The following DRC8 variants were observed in gnomAD, a reference collection of about 807,000 sequenced individuals.
DRC8 encodes dynein regulatory complex subunit 8, also known as dynein regulatory complex protein 8.
At chr1:244,970,845 G>A in the DRC8 span, 1 of 294,854 alleles carries the variant, frequency 3.4e-6, no homozygotes, top group Non-Finnish European at 6.3e-6. Flanking sequence ...GCGCCGGCAG[G>A]GGGTGCTGAT....
At chr1:244,992,099 G>A in the DRC8 span, among the ~76,000 whole-genome samples, 5 of 152,190 alleles carry the variant, frequency 3.3e-5, no homozygotes, top group South Asian at 4.1e-4. Flanking sequence ...GTGATTGCAC[G>A]CTGTTTTTAG....
chr1:245,024,210 T>A, the DRC8 span, among the ~76,000 whole-genome samples: 6 of 152,150 alleles, frequency 3.9e-5, no homozygotes, highest in Admixed American at 3.9e-4. Context: ...TATGGATGAA[T>A]CATAATATAT....
the DRC8 span, among the ~76,000 whole-genome samples, chr1:245,057,034 A>G: frequency 2.0e-5 from 3 of 152,154 alleles, no homozygotes; most frequent in African/African-American, 7.2e-5. Flanking sequence ...TTCCAAAAAA[A>G]GGGAAGTGAT....
the DRC8 span, among the ~76,000 whole-genome samples, chr1:244,988,265 C>T: frequency 0.11 from 16,932 of 152,070 alleles, 999 homozygotes; most frequent in African/African-American, 0.16. Flanking sequence ...GATCCTCCCG[C>T]CTTAGCCTCC....
the DRC8 span, among the ~76,000 whole-genome samples, chr1:245,059,987 A>G: frequency 3.6e-3 from 554 of 152,290 alleles, 8 homozygotes; most frequent in Non-Finnish European, 3.6e-3. Flanking sequence ...GCTCTGTTTG[A>G]CTTTCCAGAA....
At chr1:245,020,742 C>A in the DRC8 span, among the ~76,000 whole-genome samples, 1 of 150,856 alleles carries the variant, frequency 6.6e-6, no homozygotes, top group African/African-American at 2.4e-5. Flanking sequence ...GCATCAGCCT[C>A]CCAAGTAGCT....
the DRC8 span, chr1:245,121,935 G>C: frequency 2.4e-6 from 1 of 415,736 alleles, no homozygotes; most frequent in South Asian, 1.8e-5. Context: ...GTTTCGCTCC[G>C]TCGCCCAGGC....
the DRC8 span, among the ~76,000 whole-genome samples, chr1:245,012,919 A>G: frequency 0.091 from 13,865 of 152,274 alleles, 820 homozygotes; most frequent in African/African-American, 0.16. Flanking sequence ...AATAAATAAA[A>G]TGCTATGGTA....
chr1:245,008,671 T>TTC, the DRC8 span, among the ~76,000 whole-genome samples: 1 of 13,036 alleles, frequency 7.7e-5, no homozygotes, highest in African/African-American at 2.5e-4. Flanking sequence ...GTTCTCACAC[T>TTC]TTTTTTTTTT....
the DRC8 span, among the ~76,000 whole-genome samples, chr1:244,991,604 A>T: frequency 6.6e-6 from 1 of 152,176 alleles, no homozygotes; most frequent in Non-Finnish European, 1.5e-5. Context: ...CTTTGTATAC[A>T]TTATGACTTT....
the DRC8 span, among the ~76,000 whole-genome samples, chr1:245,075,130 T>C: frequency 1.3e-5 from 2 of 152,186 alleles, no homozygotes; most frequent in Non-Finnish European, 1.5e-5. Flanking sequence ...TTATTGTGCC[T>C]ATTTAGTGGG....
the DRC8 span, among the ~76,000 whole-genome samples, chr1:245,100,120 C>A: frequency 1.3e-5 from 2 of 152,190 alleles, no homozygotes; most frequent in Admixed American, 6.5e-5. Context: ...CACGGTGGCT[C>A]ACGCCTGTAA....
chr1:245,015,402 T>C, the DRC8 span, among the ~76,000 whole-genome samples: 1 of 152,186 alleles, frequency 6.6e-6, no homozygotes, highest in Non-Finnish European at 1.5e-5. Flanking sequence ...TCTTGTTGGC[T>C]CTGCTCTTTA....
the DRC8 span, among the ~76,000 whole-genome samples, chr1:245,093,976 A>C: frequency 6.6e-6 from 1 of 152,012 alleles, no homozygotes; most frequent in East Asian, 1.9e-4. Context: ...AGTATAGGTG[A>C]GTATTGCATG....
chr1:245,112,220 G>A, the DRC8 span, among the ~76,000 whole-genome samples: 3 of 152,162 alleles, frequency 2.0e-5, no homozygotes, highest in African/African-American at 4.8e-5. Context: ...GATTACAGGC[G>A]CACGCCACCA....
chr1:245,028,764 A>G, the DRC8 span, among the ~76,000 whole-genome samples: 1 of 152,236 alleles, frequency 6.6e-6, no homozygotes, highest in African/African-American at 2.4e-5. Flanking sequence ...AATTCAAAGA[A>G]AAGTCCCTGT....
the DRC8 span, chr1:245,002,231 G>C: frequency 6.2e-7 from 1 of 1,604,412 alleles, no homozygotes; most frequent in Non-Finnish European, 8.5e-7. Context: ...GGGGAACACA[G>C]GGTACAGTGC....
chr1:245,084,071 C>A, the DRC8 span, among the ~76,000 whole-genome samples: 2 of 118,574 alleles, frequency 1.7e-5, no homozygotes, highest in South Asian at 5.8e-4. Flanking sequence ...CGCCCCCCCC[C>A]CGGCGCCCCG....
chr1:245,082,230 C>A, the DRC8 span: 2 of 1,416,088 alleles, frequency 1.4e-6, no homozygotes, highest in Admixed American at 1.7e-5. Context: ...CATTTCAGGA[C>A]GCTTGGCTTT....
Sources: gnomAD v4.1 joint callset for allele counts (sites outside exome capture counted in the v4.1 genomes callset) on GRCh38, gnomAD v4.1.1 for gene constraint, MANE v1.5 for transcripts, NCBI Gene and HGNC (gene_info 2026-07-23, HGNC 2026-07-21) for gene names.